Variants in DACH1 observed in about 807,000 individuals in gnomAD.
DACH1 encodes the protein dachshund homolog 1.
DACH1 carries 12 observed loss-of-function variants against 54.2 expected under a neutral mutation model. The observed-to-expected ratio is 0.22, with a 90% CI of 0.14 to 0.36. DACH1 has a LOEUF of 0.36. Ranked by LOEUF, DACH1 falls within the 10% of genes least tolerant of loss-of-function variation. DACH1 has a pLI of 1.00. For missense variants in DACH1, 805 were observed against 929.8 expected (o/e 0.87, Z 1.75); for synonymous variants, 386 against 366.2 (o/e 1.05, Z -0.62).
At chr13:71,770,303 T>G (rs1414993652) in intron 1 of DACH1, among the ~76,000 whole-genome samples, 1 of 151,644 alleles carries the variant, frequency 6.6e-6, no homozygotes, top group Non-Finnish European at 1.5e-5. Context: ...CAGTCTAAAG[T>G]ATCAACAATG....
At chr13:71,608,327 A>T (rs192021644) in intron 3 of DACH1, among the ~76,000 whole-genome samples, 150 of 152,116 alleles carry the variant, frequency 9.9e-4, no homozygotes, top group African/African-American at 3.4e-3. Flanking sequence ...AACTATTAAC[A>T]AGATGTTATT....
At chr13:71,580,953 GGTCT>G (rs1872798487) in intron 3 of DACH1, among the ~76,000 whole-genome samples, 1 of 151,620 alleles carries the variant, frequency 6.6e-6, no homozygotes, top group Non-Finnish European at 1.5e-5. Flanking sequence ...CCTGATTAGG[GGTCT>G]TCATTTTTTT....
At chr13:71,614,418 T>A (rs1875598124) in intron 3 of DACH1, among the ~76,000 whole-genome samples, 1 of 152,076 alleles carries the variant, frequency 6.6e-6, no homozygotes. Context: ...TAGCTTAACT[T>A]GATATAATGT....
At chr13:71,584,388 A>T (rs1873076237) in intron 3 of DACH1, among the ~76,000 whole-genome samples, 1 of 152,180 alleles carries the variant, frequency 6.6e-6, no homozygotes, top group South Asian at 2.1e-4. Context: ...CTTTACGCTT[A>T]GTGTAAGTAT....
intron 2 of DACH1, among the ~76,000 whole-genome samples, chr13:71,631,165 A>T (rs1345570121): frequency 1.3e-5 from 2 of 152,164 alleles, no homozygotes; most frequent in African/African-American, 4.8e-5. Flanking sequence ...GCTATATCAC[A>T]GATGTCACCA....
At chr13:71,631,016 T>C (rs1380513041) in intron 2 of DACH1, among the ~76,000 whole-genome samples, 1 of 152,178 alleles carries the variant, frequency 6.6e-6, no homozygotes, top group South Asian at 2.1e-4. Context: ...AATCTAAATA[T>C]GTCTTTTCCT....
chr13:71,667,844 T>TA (rs1326384146), intron 2 of DACH1, among the ~76,000 whole-genome samples: 1 of 152,150 alleles, frequency 6.6e-6, no homozygotes, highest in African/African-American at 2.4e-5. Flanking sequence ...ACTAAGGGAT[T>TA]AATTTTCTTG....
chr13:71,748,886 C>CT (rs66963116), intron 1 of DACH1, among the ~76,000 whole-genome samples: 346 of 27,308 alleles, frequency 0.013, 4 homozygotes, highest in Non-Finnish European at 0.031. Context: ...TTCTTTCTTT[C>CT]TTTCTTTCTT....
intron 6 of DACH1, among the ~76,000 whole-genome samples, chr13:71,496,713 TA>T (rs1182420547): frequency 1.3e-5 from 2 of 151,862 alleles, no homozygotes; most frequent in Non-Finnish European, 2.9e-5. Context: ...TATATACAGA[TA>T]AAAAAAGGAG....
intron 7 of DACH1, among the ~76,000 whole-genome samples, chr13:71,481,436 C>T (rs114786634): frequency 2.0e-5 from 3 of 152,028 alleles, no homozygotes; most frequent in Non-Finnish European, 2.9e-5. Context: ...TATTAATATT[C>T]GTTGTAAAGA....
chr13:71,544,534 A>G (rs1026215242), intron 6 of DACH1, among the ~76,000 whole-genome samples: 1 of 152,128 alleles, frequency 6.6e-6, no homozygotes, highest in Non-Finnish European at 1.5e-5. Flanking sequence ...TGCTGTTAAG[A>G]AATCATTTAC....
At position 71,505,634 on chromosome 13, in the gene DACH1, T is replaced by C. The variant is rs751443556; in HGVS notation, c.1571-16486A>G. Among the ~76,000 whole-genome samples, 50 of 152,200 alleles carry C rather than the reference T, an allele frequency of 3.3e-4. 1 individual carries two copies. Among genetic ancestry groups the C allele is most frequent in the South Asian group, 8.3e-4 (4 of 4,834 alleles). ...TAAATCCAATAACTGTTCTGTTCTG[T>C]TTCAATTATTAATTTACCTTAAATA... On this transcript the variant is annotated intron_variant, in intron 6 of 10. Transcript: ENST00000613252.
At chr13:71,591,583 G>A (rs1873714857) in intron 3 of DACH1, among the ~76,000 whole-genome samples, 1 of 152,104 alleles carries the variant, frequency 6.6e-6, no homozygotes. Context: ...GTGATGAAAT[G>A]AGTCATGTAG....
At chr13:71,608,808 T>C (rs1340039941) in intron 3 of DACH1, among the ~76,000 whole-genome samples, 1 of 152,106 alleles carries the variant, frequency 6.6e-6, no homozygotes, top group East Asian at 1.9e-4. Context: ...AATAGGAGAA[T>C]AGGAGCTTTT....
intron 10 of DACH1, among the ~76,000 whole-genome samples, chr13:71,473,796 T>C (rs1877286537): frequency 6.6e-6 from 1 of 152,190 alleles, no homozygotes; most frequent in African/African-American, 2.4e-5. Flanking sequence ...ACTTTGACAT[T>C]ATCTAATGCG....
chr13:71,817,810 C>CT (rs1888019757), intron 1 of DACH1, among the ~76,000 whole-genome samples: 1 of 121,840 alleles, frequency 8.2e-6, no homozygotes, highest in Non-Finnish European at 1.7e-5. Context: ...TTCTTTCTTT[C>CT]TTCCTTTTTT....
At chr13:71,578,012 T>C (rs1040964378) in intron 3 of DACH1, among the ~76,000 whole-genome samples, 11 of 152,136 alleles carry the variant, frequency 7.2e-5, no homozygotes, top group Admixed American at 7.2e-4. Context: ...AGAAGACACA[T>C]AAAATAAACA....
chr13:71,621,429 G>A (rs916127873), intron 3 of DACH1, among the ~76,000 whole-genome samples: 1 of 152,034 alleles, frequency 6.6e-6, no homozygotes, highest in African/African-American at 2.4e-5. Context: ...CTGGTACAGC[G>A]TGTGACTGAG....
chr13:71,639,354 T>A (rs1305726097), intron 2 of DACH1, among the ~76,000 whole-genome samples: 1 of 152,154 alleles, frequency 6.6e-6, no homozygotes, highest in Admixed American at 6.6e-5. Context: ...TTTCTCTTAA[T>A]GTCCATTAGA....
Sources: allele counts gnomAD v4.1 joint callset (sites outside exome capture counted in the v4.1 genomes callset), GRCh38; gene constraint gnomAD v4.1.1; transcripts MANE v1.5; gene names NCBI Gene and HGNC (gene_info 2026-07-23, HGNC 2026-07-21).